The following ZXDC variants were observed in gnomAD, a reference collection of about 807,000 sequenced individuals.
ZXDC encodes zinc finger protein ZXDC.
In ZXDC, 58 loss-of-function variants were observed where a neutral mutation model predicts 63.6. The ratio of observed to expected loss-of-function variants is 0.91; its 90% CI spans 0.74 to 1.13. ZXDC has a LOEUF of 1.13. Among genes scored for constraint, ZXDC ranks in the 50% most tolerant of loss-of-function variants. ZXDC has a pLI of 0.00. For synonymous variants in ZXDC, 561 were observed against 496.1 expected (o/e 1.13, Z -1.74); for missense variants, 1,133 against 1,148.9 (o/e 0.99, Z 0.20).
At chr3:126,447,420 A>G (rs1933923267) in intron 7 of ZXDC, among the ~76,000 whole-genome samples, 1 of 152,208 alleles carries the variant, frequency 6.6e-6, no homozygotes, top group Non-Finnish European at 1.5e-5. Context: ...GCAATTAGCT[A>G]TCTATTGATC....
intron 7 of ZXDC, among the ~76,000 whole-genome samples, chr3:126,458,053 TC>T (rs1298529362): frequency 3.3e-5 from 5 of 152,288 alleles, no homozygotes; most frequent in African/African-American, 1.2e-4. Flanking sequence ...AGATGATGTA[TC>T]AACCAGTAGT....
intron 7 of ZXDC, chr3:126,451,751 T>G (rs922783963): frequency 3.3e-5 from 33 of 985,292 alleles, no homozygotes; most frequent in Non-Finnish European, 3.9e-5. Context: ...ACGCTGTTAC[T>G]GGTGATCTGG....
intron 7 of ZXDC, chr3:126,453,616 G>C (rs775910407): frequency 1.4e-5 from 14 of 985,436 alleles, no homozygotes; most frequent in Non-Finnish European, 1.7e-5. Flanking sequence ...TGAACGTGCA[G>C]GGAAGTCACT....
At chr3:126,442,827 CTATCA>C in intron 7 of ZXDC, 1 of 151,974 alleles carries the variant, frequency 6.6e-6, no homozygotes, top group Non-Finnish European at 1.5e-5. Flanking sequence ...TGTACAATGA[CTATCA>C]TATAAGTTAT....
chr3:126,444,533 A>G (rs1049167503), intron 7 of ZXDC, among the ~76,000 whole-genome samples: 6 of 147,696 alleles, frequency 4.1e-5, no homozygotes, highest in African/African-American at 1.3e-4. Flanking sequence ...CTCCCTCTCA[A>G]AAAAAAAAAA....
In ZXDC at chr3:126,475,575, C is replaced by A; in HGVS notation, c.291G>T (p.Glu97Asp). The A allele has an allele frequency of 1.4e-6, 2 of 1,440,678 alleles. No homozygotes were observed. Among genetic ancestry groups the A allele is most frequent in the South Asian group, 2.7e-5 (2 of 75,068 alleles). 89.2% of individuals were successfully genotyped at this position (1,440,678 alleles called of 1,614,324 possible). ...TCGCCAGGTTGACACGGGAGCCAGG[C>A]TCGGCCTCCTGTGATCCGGCAGCCT... is the stretch of plus-strand genomic sequence containing the variant. ...AAEAAGSQEAEPGSRVNLASR... is the reference protein window; with the variant it reads ...AAEAAGSQEADPGSRVNLASR... The change falls in exon 1 of 10, where the codon GAG (glutamate) becomes GAT (aspartate). Residue 97 changes from glutamate (E) to aspartate (D), a missense_variant. By Grantham distance (45) the Glu-to-Asp change is conservative. Coordinates refer to ENST00000389709, the MANE Select transcript of ZXDC (RefSeq NM_025112.5).
chr3:126,450,654 AG>A (rs1166058303), intron 7 of ZXDC: 1 of 402,214 alleles, frequency 2.5e-6, no homozygotes, highest in African/African-American at 2.1e-5. Context: ...CTCTCCCTGG[AG>A]GGTGGTCCCT....
At chr3:126,441,592 G>T (rs1933678866) in intron 8 of ZXDC, 173 bp downstream of exon 8, 1 of 1,345,160 alleles carries the variant, frequency 7.4e-7, no homozygotes, top group Non-Finnish European at 9.5e-7. Context: ...AAAGGGAGGA[G>T]CTGGGCTGTG....
intron 7 of ZXDC, among the ~76,000 whole-genome samples, chr3:126,444,904 A>C (rs1933823397): frequency 6.6e-6 from 1 of 152,232 alleles, no homozygotes; most frequent in Non-Finnish European, 1.5e-5. Flanking sequence ...TTTTATACCT[A>C]AACCAGTAAC....
In ZXDC at chr3:126,461,861, C is replaced by T. The variant is rs993305321; in HGVS notation, c.1801G>A (p.Val601Met). Residue 601 changes from valine (V) to methionine (M), a missense_variant, in exon 6 of 10, where the codon GTG becomes ATG. Val to Met is a conservative substitution (Grantham distance 21). Transcript: ENST00000389709. Reference protein sequence around the residue: ...LQQGSFSVDDVQTVSAGALGC... With the variant: ...LQQGSFSVDDMQTVSAGALGC... ...AATGCTCCTGCACTCACAGTCTGCA[C>T]GTCATCCACACTGAAGCTGCCCTGC... is the stretch of plus-strand genomic sequence containing the variant. 8.1e-5 allele frequency: 131 copies of T among 1,614,052 alleles called. No homozygotes were observed. Among genetic ancestry groups the T allele is most frequent in the Non-Finnish European group, 1.1e-4 (127 of 1,180,030 alleles).
At chr3:126,447,149 C>T (rs1242261848) in intron 7 of ZXDC, among the ~76,000 whole-genome samples, 3 of 152,204 alleles carry the variant, frequency 2.0e-5, no homozygotes, top group Non-Finnish European at 2.9e-5. Flanking sequence ...CACCAAGCTA[C>T]CTTCCCAGAT....
intron 7 of ZXDC, among the ~76,000 whole-genome samples, chr3:126,456,895 A>G (rs1934326725): frequency 6.6e-6 from 1 of 152,230 alleles, no homozygotes; most frequent in African/African-American, 2.4e-5. Flanking sequence ...AGGTTACCAC[A>G]TCTGCCGTGT....
intron 4 of ZXDC, among the ~76,000 whole-genome samples, chr3:126,469,841 G>A (rs1934912050): frequency 6.6e-6 from 1 of 152,244 alleles, no homozygotes; most frequent in Non-Finnish European, 1.5e-5. Flanking sequence ...GACGGAAGGA[G>A]GAACTGTTTC....
At chr3:126,454,338 TA>T (rs1276544676) in intron 7 of ZXDC, 1 of 984,986 alleles carries the variant, frequency 1.0e-6, no homozygotes, top group East Asian at 1.1e-4. Context: ...TAAATATTCA[TA>T]TAAATGTCTA....
rs531212912 is a variant in ZXDC, at chr3:126,451,768, C to T, written c.2212+7885G>A. Reference sequence around the variant, plus strand: ...GCTGTTACTGGTGATCTGGAAAGCTCTCTGTGCGGACGTGTCTCTGTGGCT... The same window carrying T: ...GCTGTTACTGGTGATCTGGAAAGCTTTCTGTGCGGACGTGTCTCTGTGGCT... On this transcript the variant is annotated intron_variant, in intron 7 of 9. Coordinates refer to ENST00000389709, the MANE Select transcript of ZXDC (RefSeq NM_025112.5). 5.1e-6 allele frequency: 5 copies of T among 985,404 alleles called. No individual in the cohort carries two copies. In the South Asian group the frequency reaches 2.3e-4, roughly 46 times the overall value. 61.0% of individuals were successfully genotyped at this position (985,404 alleles called of 1,614,324 possible).
At chr3:126,449,400 CA>C (rs1934008493) in intron 7 of ZXDC, among the ~76,000 whole-genome samples, 2 of 152,046 alleles carry the variant, frequency 1.3e-5, no homozygotes, top group Non-Finnish European at 1.5e-5. Flanking sequence ...AAGTATTTTG[CA>C]AAAACCCCTG....
chr3:126,466,059 G>T, intron 5 of ZXDC, 96 bp downstream of exon 5: 1 of 1,420,112 alleles, frequency 7.0e-7, no homozygotes, highest in Non-Finnish European at 9.6e-7. Flanking sequence ...ACTGCCTGAC[G>T]CCTTCCAAGA....
intron 7 of ZXDC, chr3:126,453,018 CTCTT>C (rs1178202779): frequency 1.5e-5 from 15 of 985,250 alleles, no homozygotes; most frequent in African/African-American, 3.5e-5. Flanking sequence ...GATTACAGCT[CTCTT>C]TCTGAGAGAT....
intron 4 of ZXDC, among the ~76,000 whole-genome samples, chr3:126,469,820 G>A (rs754119014): frequency 1.3e-4 from 20 of 152,230 alleles, no homozygotes; most frequent in Non-Finnish European, 2.8e-4. Flanking sequence ...TGCACCTCCA[G>A]CTGAAACTCT....
Sources: allele counts gnomAD v4.1 joint callset (sites outside exome capture counted in the v4.1 genomes callset), GRCh38; gene constraint gnomAD v4.1.1; transcripts MANE v1.5; gene names NCBI Gene and HGNC (gene_info 2026-07-23, HGNC 2026-07-21).